Variants in SYT16 observed in about 807,000 individuals in gnomAD.
SYT16 encodes synaptotagmin 16.
A neutral mutation model predicts 61.4 loss-of-function variants in SYT16; 42 were observed. The observed-to-expected ratio is 0.68, with a 90% CI of 0.53 to 0.89. SYT16 has a LOEUF of 0.89. Ranked by LOEUF, SYT16 falls within the 40% of genes least tolerant of loss-of-function variation. The pLI is 0.00. For synonymous variants in SYT16, 314 were observed against 302.3 expected (o/e 1.04, Z -0.40); for missense variants, 804 against 807.3 (o/e 1.00, Z 0.05).
intron 7 of SYT16, among the ~76,000 whole-genome samples, chr14:62,096,756 T>C (rs2057287965): frequency 6.6e-6 from 1 of 152,138 alleles, no homozygotes; most frequent in Non-Finnish European, 1.5e-5. Context: ...AGAAAAGAAG[T>C]TGGACAGGAT....
intron 3 of SYT16, among the ~76,000 whole-genome samples, chr14:62,062,464 A>G (rs1013690500): frequency 2.0e-5 from 3 of 152,230 alleles, no homozygotes; most frequent in African/African-American, 7.2e-5. Flanking sequence ...TGTGCATTGC[A>G]TCCCTTACAC....
intron 1 of SYT16, chr14:61,865,078 G>C: frequency 7.3e-7 from 1 of 1,379,022 alleles, no homozygotes; most frequent in South Asian, 1.2e-5. Flanking sequence ...CAGCTTGCGG[G>C]AAATGGCCCA....
rs2057398826 is a variant in SYT16, at chr14:62,100,641, C to G, written c.1872C>G (p.His624Gln). 2 of 1,613,806 alleles carry G rather than the reference C, an allele frequency of 1.2e-6. No homozygotes were observed. Among genetic ancestry groups the G allele is most frequent in the Non-Finnish European group, 1.7e-6 (2 of 1,179,808 alleles). ...GCAGTGGAGAGGAGGAACAAGATCA[C>G]TGGGAGGAGATGAAGGAAACCAAAG... ...QNSSGEEEQD[H>Q]WEEMKETKGQ... The change falls in exon 8 of 8, where the codon CAC becomes CAG. Residue 624 changes from histidine (H) to glutamine (Q), a missense_variant. Physicochemically the swap from His to Gln is conservative, Grantham distance 24. Transcript: ENST00000683842.
chr14:61,968,921 A>T, intron 1 of SYT16, among the ~76,000 whole-genome samples: 1 of 152,180 alleles, frequency 6.6e-6, no homozygotes, highest in Non-Finnish European at 1.5e-5. Flanking sequence ...TATTTTGCAG[A>T]CTATAAAGCT....
chr14:61,953,711 T>A (rs1012747667), intron 1 of SYT16, among the ~76,000 whole-genome samples: 2 of 152,072 alleles, frequency 1.3e-5, no homozygotes, highest in Non-Finnish European at 2.9e-5. Flanking sequence ...TACCTTTGAT[T>A]GTCACTTCCT....
At chr14:61,902,049 C>A (rs2048541476) in intron 1 of SYT16, among the ~76,000 whole-genome samples, 1 of 152,150 alleles carries the variant, frequency 6.6e-6, no homozygotes, top group African/African-American at 2.4e-5. Flanking sequence ...AGGGGTGAGC[C>A]ACCGTTCCAG....
At chr14:62,089,004 A>G (rs1396506699) in intron 7 of SYT16, among the ~76,000 whole-genome samples, 2 of 151,198 alleles carry the variant, frequency 1.3e-5, no homozygotes, top group African/African-American at 4.9e-5. Flanking sequence ...CTATTTCCCT[A>G]GATAAACCTT....
At chr14:61,932,138 C>A (rs1290068279) in intron 1 of SYT16, among the ~76,000 whole-genome samples, 1 of 152,200 alleles carries the variant, frequency 6.6e-6, no homozygotes, top group Admixed American at 6.5e-5. Context: ...CCAGCACACC[C>A]AGCTCCTTCA....
At chr14:62,032,786 G>A (rs1329731627) in intron 3 of SYT16, among the ~76,000 whole-genome samples, 5 of 151,746 alleles carry the variant, frequency 3.3e-5, no homozygotes, top group African/African-American at 1.2e-4. Flanking sequence ...GGGAGGAGTG[G>A]TTGTTTCAGG....
At chr14:61,940,738 C>T (rs539582848) in intron 1 of SYT16, among the ~76,000 whole-genome samples, 1 of 152,186 alleles carries the variant, frequency 6.6e-6, no homozygotes, top group African/African-American at 2.4e-5. Context: ...TTGCTTGGCC[C>T]CTTCTCCATT....
At chr14:61,875,931 A>G (rs965003493) in intron 1 of SYT16, among the ~76,000 whole-genome samples, 2 of 152,218 alleles carry the variant, frequency 1.3e-5, no homozygotes, top group African/African-American at 2.4e-5. Flanking sequence ...GTATTTTTGC[A>G]GTCATTGTGG....
Position 61,853,978 on chromosome 14 carries a change from T to C in SYT16, c.-325+41168T>C, listed in dbSNP as rs150459377. 5.9e-5 allele frequency among the ~76,000 whole-genome samples: 9 copies of C among 152,300 alleles called. No homozygotes were observed. In the East Asian group the frequency reaches 1.7e-3, roughly 29 times the overall value. ...ATATTGATACTGTAAGTCAAAAAGG[T>C]GTACACATAATACACGTAATCTATG... is the stretch of plus-strand genomic sequence containing the variant. On this transcript the variant is annotated intron_variant, in intron 1 of 7. Coordinates refer to ENST00000683842, the MANE Select transcript of SYT16 (RefSeq NM_001367656.1).
chr14:61,820,965 C>T (rs2045602303), intron 1 of SYT16, among the ~76,000 whole-genome samples: 1 of 152,166 alleles, frequency 6.6e-6, no homozygotes, highest in African/African-American at 2.4e-5. Context: ...CTCTGGGATC[C>T]TCCCACTGCC....
At chr14:61,923,850 A>G (rs1368169063) in intron 1 of SYT16, among the ~76,000 whole-genome samples, 1 of 152,028 alleles carries the variant, frequency 6.6e-6, no homozygotes, top group Non-Finnish European at 1.5e-5. Context: ...CAGGAATTTG[A>G]CCTCCCTTCA....
rs550665279 is a variant in SYT16, at chr14:61,953,752, G to A, written c.-324-16380G>A. Among the ~76,000 whole-genome samples, 7 of 152,296 alleles carry A rather than the reference G, an allele frequency of 4.6e-5. No homozygotes were observed. The South Asian group carries it at 1.5e-3, about 32-fold the overall frequency. On this transcript the variant is annotated intron_variant, in intron 1 of 7. Coordinates refer to ENST00000683842, the MANE Select transcript of SYT16 (RefSeq NM_001367656.1). ...TGGGACTGAAGGAGTCTGGGCTTGGGTCAACCTGAGTGGTAGACAGCTGTG... is the reference window on the plus strand; with the variant it reads ...TGGGACTGAAGGAGTCTGGGCTTGGATCAACCTGAGTGGTAGACAGCTGTG...
At chr14:61,817,609 A>G (rs1045296082) in intron 1 of SYT16, among the ~76,000 whole-genome samples, 10 of 152,140 alleles carry the variant, frequency 6.6e-5, no homozygotes, top group African/African-American at 1.9e-4. Flanking sequence ...TGGCTGAGGC[A>G]CTGTTCAGAT....
At chr14:62,003,785 T>G (rs1454164072) in intron 3 of SYT16, among the ~76,000 whole-genome samples, 2 of 152,126 alleles carry the variant, frequency 1.3e-5, no homozygotes, top group Non-Finnish European at 2.9e-5. Flanking sequence ...GTGTAAGATA[T>G]ATGTAACCAA....
At chr14:62,011,922 C>CATATATATATATATATATATATATAT in intron 3 of SYT16, among the ~76,000 whole-genome samples, 1 of 92,614 alleles carries the variant, frequency 1.1e-5, no homozygotes, top group African/African-American at 4.7e-5. Flanking sequence ...TACACACACA[C>CATATATATATATATATATATATATAT]ACACATATAT....
intron 1 of SYT16, among the ~76,000 whole-genome samples, chr14:61,893,442 A>G (rs541062869): frequency 2.5e-4 from 38 of 152,336 alleles, no homozygotes; most frequent in Admixed American, 3.9e-4. Flanking sequence ...ACCAAATGGC[A>G]TAAGTTAAGT....
Sources: gnomAD v4.1 joint callset for allele counts (sites outside exome capture counted in the v4.1 genomes callset) on GRCh38, gnomAD v4.1.1 for gene constraint, MANE v1.5 for transcripts, NCBI Gene and HGNC (gene_info 2026-07-23, HGNC 2026-07-21) for gene names.